COL4A1: variants seen among roughly 807,000 people sequenced by gnomAD.
The protein encoded by COL4A1 is collagen type IV alpha 1 chain.
A neutral mutation model predicts 216.6 loss-of-function variants in COL4A1; 40 were observed. The observed-to-expected ratio is 0.18, with a 90% CI of 0.14 to 0.24. The LOEUF is 0.24. Ranked by LOEUF, COL4A1 falls within the 10% of genes least tolerant of loss-of-function variation. COL4A1 has a pLI of 1.00. For missense variants in COL4A1, 1,628 were observed against 2,196.8 expected (o/e 0.74, Z 5.18); for synonymous variants, 839 against 810.7 (o/e 1.03, Z -0.59).
intron 17 of COL4A1, among the ~76,000 whole-genome samples, chr13:110,204,253 T>C (rs1879385167): frequency 6.6e-6 from 1 of 152,172 alleles, no homozygotes. Context: ...TTACCATGAA[T>C]GTATATATTT....
At chr13:110,166,335 A>G (rs1877335507) in intron 44 of COL4A1, 32 bp from the exon 45 acceptor site, 2 of 1,336,158 alleles carry the variant, frequency 1.5e-6, no homozygotes, top group Non-Finnish European at 2.2e-6. Context: ...TGTCTTGCAC[A>G]GAATTCCCAA....
At chr13:110,169,558 T>C (rs1416511306) in intron 43 of COL4A1, 71 bp downstream of exon 43, 3 of 1,592,274 alleles carry the variant, frequency 1.9e-6, no homozygotes, top group Non-Finnish European at 2.6e-6. Context: ...CATACACACA[T>C]AGACACATAT....
chr13:110,164,743 CAT>C, intron 46 of COL4A1, 117 bp downstream of exon 46: 1 of 1,390,266 alleles, frequency 7.2e-7, no homozygotes, highest in Non-Finnish European at 9.7e-7. Context: ...AACTCATATT[CAT>C]ATGTGTGTGT....
chr13:110,159,022 C>T (rs1443147411), intron 49 of COL4A1, among the ~76,000 whole-genome samples: 6 of 152,148 alleles, frequency 3.9e-5, no homozygotes, highest in African/African-American at 9.7e-5. Flanking sequence ...GGATTACAGG[C>T]GTGAGCCACT....
chr13:110,233,734 G>A (rs1448790402), intron 2 of COL4A1, among the ~76,000 whole-genome samples: 1 of 151,912 alleles, frequency 6.6e-6, no homozygotes, highest in East Asian at 1.9e-4. Flanking sequence ...AAATTTGGAT[G>A]GAAACTGCAG....
chr13:110,161,551 C>G (rs1443070902), intron 48 of COL4A1, among the ~76,000 whole-genome samples, 182 bp from the exon 49 acceptor site: 6 of 152,234 alleles, frequency 3.9e-5, no homozygotes, highest in African/African-American at 1.4e-4. Flanking sequence ...AGTTTACCAG[C>G]ACAAAGAAAC....
chr13:110,304,654 A>AGC (rs1884615275), intron 1 of COL4A1, among the ~76,000 whole-genome samples: 1 of 152,256 alleles, frequency 6.6e-6, no homozygotes, highest in African/African-American at 2.4e-5. Flanking sequence ...TGGTAGGTTC[A>AGC]GCGTGGGATA....
rs1457810722 is a variant in COL4A1, at chr13:110,303,394, C to A, written c.84+3550G>T. 2.6e-5 allele frequency among the ~76,000 whole-genome samples: 4 copies of A among 151,968 alleles called. No individual in the cohort carries two copies. The East Asian group carries it at 7.7e-4, about 29-fold the overall frequency. ...TTAACACTGGTCTCCTAAACCCTGC[C>A]CTTCCAATTCTTTCCACCCCTCTGA... On this transcript the variant is annotated intron_variant, in intron 1 of 51. Transcript: ENST00000375820.
intron 1 of COL4A1, among the ~76,000 whole-genome samples, chr13:110,275,037 T>C (rs1425986988): frequency 6.6e-6 from 1 of 152,200 alleles, no homozygotes; most frequent in Admixed American, 6.5e-5. Context: ...ACCAAAGGCA[T>C]GATCCATGAA....
At chr13:110,272,035 A>G (rs1348187472) in intron 1 of COL4A1, among the ~76,000 whole-genome samples, 1 of 152,234 alleles carries the variant, frequency 6.6e-6, no homozygotes, top group African/African-American at 2.4e-5. Flanking sequence ...AGATCAGGTA[A>G]TATTTGTCAA....
At chr13:110,249,047 G>C (rs780511764) in intron 1 of COL4A1, among the ~76,000 whole-genome samples, 2 of 151,932 alleles carry the variant, frequency 1.3e-5, no homozygotes, top group Non-Finnish European at 2.9e-5. Flanking sequence ...GGACCCCCAG[G>C]GCCCAAGAAT....
chr13:110,184,127 A>G (rs1296315251), intron 26 of COL4A1, among the ~76,000 whole-genome samples: 2 of 152,200 alleles, frequency 1.3e-5, no homozygotes, highest in Non-Finnish European at 2.9e-5. Flanking sequence ...GCTCTGGCAG[A>G]TCAAAGACAT....
At chr13:110,225,415 T>G (rs1880691868) in intron 2 of COL4A1, among the ~76,000 whole-genome samples, 1 of 152,150 alleles carries the variant, frequency 6.6e-6, no homozygotes, top group Non-Finnish European at 1.5e-5. Flanking sequence ...GAAACTTGTC[T>G]CTACTAAAAA....
chr13:110,206,804 T>C lies in COL4A1; in HGVS notation c.807+61A>G, dbSNP rs1040332864. 6.8e-6 allele frequency: 11 copies of C among 1,610,996 alleles called. No homozygotes were observed. In the South Asian group the frequency reaches 8.8e-5, roughly 13 times the overall value. ...ATATTAAACTTAAGGTGAAAAAAAC[T>C]TGAAACTTAAATCTTTATGGTCTTT... On this transcript the variant is annotated intron_variant, in intron 14 of 51. Coordinates refer to ENST00000375820, the MANE Select transcript of COL4A1 (RefSeq NM_001845.6).
chr13:110,237,630 A>G (rs1375378055), intron 2 of COL4A1, among the ~76,000 whole-genome samples: 1 of 152,202 alleles, frequency 6.6e-6, no homozygotes, highest in Non-Finnish European at 1.5e-5. Flanking sequence ...TGTGCATAAA[A>G]CATACTCGGC....
Position 110,181,441 on chromosome 13 carries a change from A to G in COL4A1, c.2096-52T>C, listed in dbSNP as rs145555843. On this transcript the variant is annotated intron_variant, in intron 28 of 51. Transcript: ENST00000375820. ...ACAAACAAACAATCATTGCGATTACAATGCCGTTCCCCACTTTCTTCACTT... is the reference window on the plus strand; with the variant it reads ...ACAAACAAACAATCATTGCGATTACGATGCCGTTCCCCACTTTCTTCACTT... 3,005 of 1,489,720 alleles carry G rather than the reference A, an allele frequency of 2.0e-3. 36 individuals carry two copies. Among genetic ancestry groups the G allele is most frequent in the East Asian group, 0.017 (726 of 42,302 alleles). 92.3% of individuals were successfully genotyped at this position (1,489,720 alleles called of 1,614,324 possible).
At chr13:110,190,851 T>G (rs1878595078) in intron 24 of COL4A1, 1 of 152,236 alleles carries the variant, frequency 6.6e-6, no homozygotes, top group Admixed American at 6.5e-5. Flanking sequence ...GTTTTCTTTC[T>G]TTTCTTCTAT....
chr13:110,174,060 C>G (rs1310144567), intron 39 of COL4A1, 62 bp from the exon 40 acceptor site: 2 of 1,561,472 alleles, frequency 1.3e-6, no homozygotes, highest in Non-Finnish European at 1.8e-6. Context: ...AGCTGCCATA[C>G]AAAATGGCCC....
intron 1 of COL4A1, among the ~76,000 whole-genome samples, chr13:110,259,582 C>T (rs1003894916): frequency 1.3e-5 from 2 of 152,128 alleles, no homozygotes; most frequent in Non-Finnish European, 2.9e-5. Flanking sequence ...AAAACCAGAG[C>T]GAATCTTTAC....
Sources: gnomAD v4.1 joint callset for allele counts (sites outside exome capture counted in the v4.1 genomes callset) on GRCh38, gnomAD v4.1.1 for gene constraint, MANE v1.5 for transcripts, NCBI Gene and HGNC (gene_info 2026-07-23, HGNC 2026-07-21) for gene names.